The following VSNL1 variants were observed in gnomAD, a reference collection of about 807,000 sequenced individuals.
The protein encoded by VSNL1 is visinin like 1.
Under a neutral mutation model 20.4 loss-of-function variants are expected in VSNL1, and 6 were observed. That is an observed-to-expected ratio of 0.29 (90% CI 0.16 to 0.58). The LOEUF is 0.58. Among genes scored for constraint, VSNL1 ranks in the 20% least tolerant of loss-of-function variants. The pLI, the probability that VSNL1 is intolerant of heterozygous loss-of-function variation, is 0.90. For synonymous variants in VSNL1, 93 were observed against 86.4 expected (o/e 1.08, Z -0.42); for missense variants, 100 against 234.5 (o/e 0.43, Z 3.75).
In VSNL1 at chr2:17,649,285, T is replaced by C. The variant is rs2103429997; in HGVS notation, c.163-125T>C. ...CTTGCCCTTGACAGTCAGGCCAAAC[T>C]GCTCTCCAATGGGTGAGGCTCCGAC... On this transcript the variant is annotated intron_variant, in intron 2 of 3. Transcript: ENST00000295156. The surrounding 1 kb of genome is among the most constrained non-coding windows in gnomAD (Gnocchi z 6.4). 1.1e-6 allele frequency: 1 copy of C among 908,678 alleles called. No homozygotes were observed. Among genetic ancestry groups the C allele is most frequent in the Non-Finnish European group, 1.7e-6 (1 of 573,398 alleles). The allele number at this position is 908,678 out of a possible 1,614,324, so 56.3% of individuals were successfully genotyped here.
At chr2:17,554,078 T>G (rs962631101) in intron 1 of VSNL1, among the ~76,000 whole-genome samples, 2 of 152,216 alleles carry the variant, frequency 1.3e-5, no homozygotes, top group African/African-American at 4.8e-5. Context: ...CACACAGTAT[T>G]TATAAGGGCT....
chr2:17,629,024 G>A (rs1295850438), intron 2 of VSNL1, among the ~76,000 whole-genome samples: 2 of 152,232 alleles, frequency 1.3e-5, no homozygotes, highest in Non-Finnish European at 2.9e-5. Flanking sequence ...AGGGCTCAGA[G>A]CCAAGGCAAA....
intron 2 of VSNL1, among the ~76,000 whole-genome samples, chr2:17,617,220 G>A (rs1489908458): frequency 6.6e-6 from 1 of 152,176 alleles, no homozygotes; most frequent in East Asian, 1.9e-4. Flanking sequence ...GAGGTCCCAG[G>A]CGAGGTGGCT....
At chr2:17,653,091 T>C (rs1476880516) in intron 3 of VSNL1, among the ~76,000 whole-genome samples, 1 of 152,218 alleles carries the variant, frequency 6.6e-6, no homozygotes. Flanking sequence ...TCAGTACAGG[T>C]CCATCAGGGC....
chr2:17,651,998 G>A (rs1417646737), intron 3 of VSNL1, among the ~76,000 whole-genome samples: 2 of 152,182 alleles, frequency 1.3e-5, no homozygotes, highest in African/African-American at 2.4e-5. Flanking sequence ...TAGAGCAGAT[G>A]GAGAGTAGGT....
upstream of VSNL1, among the ~76,000 whole-genome samples, chr2:17,540,350 G>C (rs1663250512): frequency 6.6e-6 from 1 of 152,258 alleles, no homozygotes; most frequent in Non-Finnish European, 1.5e-5. Flanking sequence ...CAGCCCCCAG[G>C]TTCGGTAACC....
intron 3 of VSNL1, among the ~76,000 whole-genome samples, chr2:17,654,936 C>G (rs865926693): frequency 2.0e-5 from 3 of 152,196 alleles, no homozygotes; most frequent in Non-Finnish European, 2.9e-5. Flanking sequence ...TACAGGAGCA[C>G]GTGCTTCCTA....
chr2:17,551,302 C>G (rs971319287), intron 1 of VSNL1, among the ~76,000 whole-genome samples: 2 of 152,186 alleles, frequency 1.3e-5, no homozygotes, highest in Admixed American at 6.5e-5. Context: ...CCTCTCCCCA[C>G]TGCTAGATTG....
At chr2:17,566,704 T>A (rs909747410) in intron 1 of VSNL1, among the ~76,000 whole-genome samples, 2 of 152,188 alleles carry the variant, frequency 1.3e-5, no homozygotes, top group East Asian at 3.8e-4. Flanking sequence ...AACAAAATTT[T>A]AAATTTTGAG....
chr2:17,617,931 C>T (rs1665259130), intron 2 of VSNL1, among the ~76,000 whole-genome samples: 1 of 149,986 alleles, frequency 6.7e-6, no homozygotes, highest in Non-Finnish European at 1.5e-5. Flanking sequence ...ACTTTTTCCT[C>T]TACCTTTCTC....
chr2:17,628,946 C>T (rs1467110127), intron 2 of VSNL1, among the ~76,000 whole-genome samples: 1 of 152,232 alleles, frequency 6.6e-6, no homozygotes, highest in African/African-American at 2.4e-5. Context: ...AGTTACCAAG[C>T]CTTAGGTCTC....
At chr2:17,592,377 A>G in intron 2 of VSNL1, 141 bp downstream of exon 2, 1 of 905,734 alleles carries the variant, frequency 1.1e-6, no homozygotes, top group South Asian at 1.8e-5. Context: ...AAGAAAAATT[A>G]ACATTTAAAA....
At chr2:17,558,584 C>T (rs1663740987) in intron 1 of VSNL1, among the ~76,000 whole-genome samples, 1 of 152,072 alleles carries the variant, frequency 6.6e-6, no homozygotes, top group Non-Finnish European at 1.5e-5. Context: ...AGTGACATGC[C>T]CACAGTCACA....
At chr2:17,637,357 G>C (rs1436174192) in intron 2 of VSNL1, among the ~76,000 whole-genome samples, 1 of 152,044 alleles carries the variant, frequency 6.6e-6, no homozygotes, top group Non-Finnish European at 1.5e-5. Flanking sequence ...CTCCAGGGCT[G>C]CAGCCGGCAG....
chr2:17,622,596 G>T (rs893733708), intron 2 of VSNL1, among the ~76,000 whole-genome samples: 1 of 128,764 alleles, frequency 7.8e-6, no homozygotes, highest in African/African-American at 2.8e-5. Flanking sequence ...AAGAAAGAAA[G>T]AAAGAAAAGA....
chr2:17,548,806 C>T (rs962703217), intron 1 of VSNL1, among the ~76,000 whole-genome samples: 1 of 152,150 alleles, frequency 6.6e-6, no homozygotes, highest in Non-Finnish European at 1.5e-5. Context: ...GCATGGTGAG[C>T]GCAGTCCTAG....
At chr2:17,617,087 T>C (rs1665235869) in intron 2 of VSNL1, among the ~76,000 whole-genome samples, 1 of 152,210 alleles carries the variant, frequency 6.6e-6, no homozygotes, top group Non-Finnish European at 1.5e-5. Context: ...GATCTCTCCA[T>C]GAACTTAATC....
intron 1 of VSNL1, among the ~76,000 whole-genome samples, chr2:17,568,521 T>C (rs1664008723): frequency 6.6e-6 from 1 of 152,230 alleles, no homozygotes; most frequent in East Asian, 1.9e-4. Context: ...GTATCTTTAG[T>C]TGTCTTTAAA....
rs1302357264 is a variant in VSNL1, at chr2:17,622,538, A to AAGAAAGAAAGAAAG, written c.163-26870_163-26857dup. Among the ~76,000 whole-genome samples, 27 of 36,738 alleles carry AAGAAAGAAAGAAAG rather than the reference A, an allele frequency of 7.3e-4. No individual in the cohort carries two copies. The East Asian group carries it at 9.9e-3, about 13-fold the overall frequency. 24.1% of individuals were successfully genotyped at this position (36,738 alleles called of 152,430 possible). A position where few individuals can be genotyped will look rare whatever the true frequency, so the allele number is the denominator to read the frequency against. ...AGAAAGAAAAGAAAGAAAGAAAAGA[A>AAGAAAGAAAGAAAG]AGAAAGAAAGAAAGAAAGAAAGAAA... On this transcript the variant is annotated intron_variant, in intron 2 of 3. Transcript: ENST00000295156.
Sources: gnomAD v4.1 joint callset for allele counts (sites outside exome capture counted in the v4.1 genomes callset) on GRCh38, gnomAD v4.1.1 for gene constraint, Gnocchi (gnomAD v3.1) non-coding constraint, MANE v1.5 for transcripts, NCBI Gene and HGNC (gene_info 2026-07-23, HGNC 2026-07-21) for gene names.